Variants in DMD observed in about 807,000 individuals in gnomAD.
DMD encodes the protein dystrophin.
Under a neutral mutation model 330.1 loss-of-function variants are expected in DMD, and 63 were observed. That is an observed-to-expected ratio of 0.19 (90% confidence interval 0.16 to 0.24). DMD has a LOEUF of 0.24. DMD is among the 10% of genes least tolerant of loss of function. DMD has a pLI of 1.00. For missense variants in DMD, 3,344 were observed against 2,684.1 expected, an observed-to-expected ratio of 1.25 and a Z score of -5.43; for synonymous variants, 1,223 against 959.8, an observed-to-expected ratio of 1.27 and a Z score of -5.07.
chrX:32,728,200 G>T (rs925085732), intron 7 of DMD, among the ~76,000 whole-genome samples: 5 of 111,144 alleles, frequency 4.5e-5, no homozygotes, highest in Non-Finnish European at 7.6e-5. Flanking sequence ...TCAAAAATGT[G>T]ATTTTCATGT....
chrX:32,742,592 T>C (rs1401904923), intron 7 of DMD, among the ~76,000 whole-genome samples: 6 of 111,780 alleles, frequency 5.4e-5, no homozygotes, highest in African/African-American at 2.0e-4. Context: ...AAAGCTCATC[T>C]GGACAATCAC....
chrX:32,209,640 T>C (rs1234249818), intron 44 of DMD, among the ~76,000 whole-genome samples: 1 of 111,851 alleles, frequency 8.9e-6, no homozygotes, highest in Non-Finnish European at 1.9e-5. Flanking sequence ...TATTTGGAAT[T>C]TGCAATCAGC....
At chrX:32,807,168 GTGTT>G (rs1203150222) in intron 7 of DMD, among the ~76,000 whole-genome samples, 4 of 98,095 alleles carry the variant, frequency 4.1e-5, no homozygotes, top group African/African-American at 1.6e-4. Context: ...AATCCAGGAG[GTGTT>G]TTTTTTTGAA....
chrX:31,392,960 C>T (rs2060745419), intron 60 of DMD, among the ~76,000 whole-genome samples: 1 of 111,718 alleles, frequency 9.0e-6, no homozygotes, highest in South Asian at 3.8e-4. Context: ...GGAAAGTTTC[C>T]AGCAAGGAAG....
intron 30 of DMD, among the ~76,000 whole-genome samples, chrX:32,393,067 C>T (rs2098015451): frequency 1.8e-5 from 2 of 112,313 alleles, no homozygotes; most frequent in Admixed American, 9.5e-5. Context: ...TAATAAATGG[C>T]TATCATAAAT....
At chrX:32,956,920 A>G (rs994667571) in intron 2 of DMD, among the ~76,000 whole-genome samples, 9 of 111,920 alleles carry the variant, frequency 8.0e-5, no homozygotes, top group African/African-American at 2.9e-4. Flanking sequence ...GTTTGTTTAA[A>G]TATTTAGTGG....
At chrX:33,264,637 C>T (rs1159324165) in intron 1 of DMD, among the ~76,000 whole-genome samples, 4 of 109,891 alleles carry the variant, frequency 3.6e-5, no homozygotes, top group East Asian at 2.9e-4. Context: ...ACTGAGGGGT[C>T]TCCACTCTTC....
intron 47 of DMD, among the ~76,000 whole-genome samples, chrX:31,922,495 G>GGTGTGTGTGTGTGT (rs765621749): frequency 0.011 from 1,065 of 97,478 alleles, 12 homozygotes; most frequent in African/African-American, 0.034. Context: ...ACTTGAGACT[G>GGTGTGTGTGTGTGT]GTGTGTGTGT....
intron 18 of DMD, among the ~76,000 whole-genome samples, chrX:32,513,341 G>A (rs1193682435): frequency 8.9e-6 from 1 of 112,125 alleles, no homozygotes; most frequent in Non-Finnish European, 1.9e-5. Context: ...TAATATGTTC[G>A]CTTTGGCAGA....
At chrX:32,501,866 G>A (rs1435273233) in intron 18 of DMD, 24 bp from the exon 19 acceptor site, 1 of 1,091,836 alleles carries the variant, frequency 9.2e-7, no homozygotes, top group Non-Finnish European at 1.3e-6. Context: ...GCAAAGATGA[G>A]TAATTCAATA....
intron 1 of DMD, among the ~76,000 whole-genome samples, chrX:33,121,057 T>C (rs900549049): frequency 9.1e-6 from 1 of 110,047 alleles, no homozygotes; most frequent in Non-Finnish European, 1.9e-5. Flanking sequence ...TGGGCCCACT[T>C]AAATGTATAA....
intron 1 of DMD, among the ~76,000 whole-genome samples, chrX:33,199,920 A>T (rs2051169439): frequency 8.9e-6 from 1 of 111,838 alleles, no homozygotes; most frequent in Admixed American, 9.5e-5. Flanking sequence ...TTCTAGAGAC[A>T]TGAAGTCCTC....
At chrX:31,853,880 T>C (rs1455857679) in intron 48 of DMD, among the ~76,000 whole-genome samples, 1 of 112,175 alleles carries the variant, frequency 8.9e-6, no homozygotes, top group Non-Finnish European at 1.9e-5. Context: ...TTACAAGGCA[T>C]TGGCCTCTGG....
intron 43 of DMD, among the ~76,000 whole-genome samples, chrX:32,256,575 G>C (rs2097300013): frequency 9.0e-6 from 1 of 110,499 alleles, no homozygotes; most frequent in Non-Finnish European, 1.9e-5. Context: ...TAGTTATTTT[G>C]CCTGTTAGTT....
At chrX:32,724,109 T>A (rs1294958801) in intron 7 of DMD, among the ~76,000 whole-genome samples, 2 of 112,217 alleles carry the variant, frequency 1.8e-5, no homozygotes, top group African/African-American at 6.5e-5. Context: ...TCAAATATAA[T>A]ACATTTAAAT....
chrX:33,086,376 A>C (rs895188761), intron 1 of DMD, among the ~76,000 whole-genome samples: 4 of 112,292 alleles, frequency 3.6e-5, no homozygotes, highest in Non-Finnish European at 7.5e-5. Flanking sequence ...AATTAAAAAA[A>C]ATAAAATACT....
intron 1 of DMD, among the ~76,000 whole-genome samples, chrX:33,235,091 A>T (rs2052452748): frequency 1.8e-5 from 2 of 111,730 alleles, no homozygotes. Context: ...GAGGGTTGGG[A>T]TTGGGGGTAA....
intron 4 of DMD, among the ~76,000 whole-genome samples, chrX:32,828,848 T>TAA (rs762686742): frequency 4.2e-4 from 47 of 111,589 alleles, no homozygotes; most frequent in African/African-American, 1.5e-3. Context: ...ATCACTTTGT[T>TAA]AACTTTTATT....
intron 21 of DMD, among the ~76,000 whole-genome samples, chrX:32,474,741 A>G: frequency 9.0e-6 from 1 of 111,367 alleles, no homozygotes; most frequent in Non-Finnish European, 1.9e-5. Flanking sequence ...TTTGTTGTAG[A>G]TTCTGGATAT....
Sources: allele counts gnomAD v4.1 joint callset (sites outside exome capture counted in the v4.1 genomes callset), GRCh38; gene constraint gnomAD v4.1.1; transcripts MANE v1.5; gene names NCBI Gene and HGNC (gene_info 2026-07-23, HGNC 2026-07-21).